The following INSL6 variants were observed in gnomAD, a reference collection of about 807,000 sequenced individuals.
INSL6 encodes insulin like 6.
INSL6 carries 16 observed loss-of-function variants against 9.4 expected under a neutral mutation model. That is an observed-to-expected ratio of 1.70 (90% confidence interval 1.15 to 2.59). The LOEUF (loss-of-function observed/expected upper bound fraction) is 2.59, where lower values mean the gene tolerates loss of function less well. INSL6 is among the 30% of genes most tolerant of loss of function. The pLI is 0.00. For synonymous variants in INSL6, 154 were observed against 96.9 expected (o/e 1.59, Z -3.46); for missense variants, 391 against 257.3 (o/e 1.52, Z -3.56).
chr9:5,104,087 TAG>T, the INSL6 span, among the ~76,000 whole-genome samples: 1 of 152,134 alleles, frequency 6.6e-6, no homozygotes, highest in East Asian at 1.9e-4. Flanking sequence ...CTGAAGGAGA[TAG>T]AGACACAACT....
chr9:5,002,989 G>A, the INSL6 span, among the ~76,000 whole-genome samples: 1 of 151,938 alleles, frequency 6.6e-6, no homozygotes, highest in African/African-American at 2.4e-5. Context: ...GTTTTGAAAT[G>A]ACCAATATTT....
the INSL6 span, among the ~76,000 whole-genome samples, chr9:5,117,379 A>G: frequency 6.6e-6 from 1 of 152,318 alleles, no homozygotes; most frequent in Admixed American, 6.5e-5. Context: ...TATTTTAGAA[A>G]GATAGCTCTA....
the INSL6 span, among the ~76,000 whole-genome samples, chr9:5,015,665 G>A: frequency 8.3e-3 from 1,252 of 151,192 alleles, 13 homozygotes; most frequent in African/African-American, 0.029. Context: ...TTTCTTTCTC[G>A]TCATGTACTT....
At chr9:5,107,808 T>C in the INSL6 span, 1 of 152,164 alleles carries the variant, frequency 6.6e-6, no homozygotes, top group Non-Finnish European at 1.5e-5. Flanking sequence ...CTAGCATCTA[T>C]AATACCCATT....
chr9:5,095,780 A>G, the INSL6 span, among the ~76,000 whole-genome samples: 2 of 152,216 alleles, frequency 1.3e-5, no homozygotes, highest in African/African-American at 2.4e-5. Flanking sequence ...TCAATTACTC[A>G]TATAGGTTGA....
the INSL6 span, chr9:5,110,549 CAA>C: frequency 6.0e-6 from 1 of 167,794 alleles, no homozygotes; most frequent in East Asian, 1.8e-4. Flanking sequence ...TAGGACTATT[CAA>C]GACTTTACCC....
At position 5,133,981 on chromosome 9, in the gene INSL6, C is replaced by A. The variant is rs181771080; in HGVS notation, c.377-389G>T. Among the ~76,000 whole-genome samples, 54 of 152,168 alleles carry A rather than the reference C, an allele frequency of 3.5e-4. No homozygotes were observed. In the Middle Eastern group the frequency reaches 0.014, roughly 38 times the overall value. ...TTAGACAAATTGCTAACTACAATAA[C>A]CAGTTTAGAGAAGAACATAAATGAC... On this transcript the variant is annotated intron_variant, in intron 2 of 3. Transcript: ENST00000649639.
the INSL6 span, among the ~76,000 whole-genome samples, chr9:5,023,040 T>A: frequency 6.6e-6 from 1 of 152,234 alleles, no homozygotes; most frequent in Admixed American, 6.5e-5. Context: ...TTCTAGCTAT[T>A]TTGAAAAATA....
At chr9:5,094,056 C>G in the INSL6 span, 1 of 152,160 alleles carries the variant, frequency 6.6e-6, no homozygotes, top group Non-Finnish European at 1.5e-5. Flanking sequence ...TAGCATAAAA[C>G]GTAAAACTTT....
At chr9:5,107,987 T>C in the INSL6 span, 3 of 152,132 alleles carry the variant, frequency 2.0e-5, no homozygotes, top group South Asian at 6.2e-4. Context: ...AAAAATTCTA[T>C]AATCTGAATT....
At chr9:4,992,716 T>C in the INSL6 span, among the ~76,000 whole-genome samples, 1 of 152,184 alleles carries the variant, frequency 6.6e-6, no homozygotes, top group African/African-American at 2.4e-5. Flanking sequence ...TGAGGACCCA[T>C]GAAGAGACAG....
chr9:5,148,872 A>G (rs1824653932), intron 2 of INSL6, among the ~76,000 whole-genome samples: 1 of 152,212 alleles, frequency 6.6e-6, no homozygotes, highest in Admixed American at 6.5e-5. Flanking sequence ...TTCACTGATT[A>G]CACTACATAC....
At chr9:5,085,431 G>C in the INSL6 span, 1 of 746,234 alleles carries the variant, frequency 1.3e-6, no homozygotes, top group Non-Finnish European at 2.5e-6. Flanking sequence ...TGGCTATCAG[G>C]CTCGCAGTAT....
At chr9:5,145,494 C>A (rs772836708) in intron 2 of INSL6, among the ~76,000 whole-genome samples, 1 of 152,252 alleles carries the variant, frequency 6.6e-6, no homozygotes, top group African/African-American at 2.4e-5. Context: ...TGAATTTGAA[C>A]GTTTGCCTGT....
the INSL6 span, among the ~76,000 whole-genome samples, chr9:5,081,113 T>G: frequency 2.0e-5 from 3 of 151,992 alleles, no homozygotes; most frequent in Non-Finnish European, 4.4e-5. Context: ...GCCAGGATGG[T>G]CTCGATCTCC....
the INSL6 span, among the ~76,000 whole-genome samples, chr9:5,062,547 G>A: frequency 1.5e-5 from 2 of 132,126 alleles, no homozygotes; most frequent in Non-Finnish European, 3.0e-5. Flanking sequence ...TATCTGCAAG[G>A]AGCAATAAAG....
At chr9:5,015,863 T>C in the INSL6 span, among the ~76,000 whole-genome samples, 28 of 152,080 alleles carry the variant, frequency 1.8e-4, 1 homozygote, top group Admixed American at 1.8e-3. Flanking sequence ...TCCTTTCTGT[T>C]CTAAACACGA....
intron 1 of INSL6, among the ~76,000 whole-genome samples, chr9:5,183,040 A>G (rs1825493875): frequency 6.6e-6 from 1 of 152,222 alleles, no homozygotes; most frequent in South Asian, 2.1e-4. Context: ...GATCTAACAC[A>G]ACAACTTGTC....
the INSL6 span, among the ~76,000 whole-genome samples, chr9:5,044,745 T>C: frequency 6.6e-6 from 1 of 152,254 alleles, no homozygotes; most frequent in Non-Finnish European, 1.5e-5. Flanking sequence ...CTGATCCTTT[T>C]GAATTTCTTT....
Sources: gnomAD v4.1 joint callset for allele counts (sites outside exome capture counted in the v4.1 genomes callset) on GRCh38, gnomAD v4.1.1 for gene constraint, MANE v1.5 for transcripts, NCBI Gene and HGNC (gene_info 2026-07-23, HGNC 2026-07-21) for gene names.